NNMT: variants seen among roughly 807,000 people sequenced by gnomAD.
The protein encoded by NNMT is nicotinamide N-methyltransferase.
A neutral mutation model predicts 11.7 loss-of-function variants in NNMT; 10 were observed. The observed-to-expected ratio is 0.85, with a 90% CI of 0.53 to 1.45. NNMT has a LOEUF of 1.45. Among genes scored for constraint, NNMT ranks in the 40% most tolerant of loss-of-function variants. The pLI, the probability that NNMT is intolerant of heterozygous loss-of-function variation, is 0.00. For synonymous variants in NNMT, 143 were observed against 133.8 expected (o/e 1.07, Z -0.48); for missense variants, 381 against 319.4 (o/e 1.19, Z -1.47).
At chr11:114,305,558 C>T (rs1217208112) in intron 2 of NNMT, among the ~76,000 whole-genome samples, 1 of 147,510 alleles carries the variant, frequency 6.8e-6, no homozygotes, top group East Asian at 2.0e-4. Context: ...TCCAAGTGTT[C>T]TCATTGTTCA....
intron 2 of NNMT, among the ~76,000 whole-genome samples, chr11:114,281,275 G>A (rs565774855): frequency 1.4e-4 from 22 of 152,290 alleles, no homozygotes; most frequent in Middle Eastern, 3.4e-3. Flanking sequence ...CAATCCGTGC[G>A]TTAGGGCCCA....
intron 1 of NNMT, among the ~76,000 whole-genome samples, chr11:114,260,258 GC>G (rs1326845818): frequency 6.6e-6 from 1 of 152,166 alleles, no homozygotes. Flanking sequence ...GGAGATGGCC[GC>G]CCCACTTGTC....
chr11:114,286,711 T>G (rs566282787), intron 2 of NNMT, among the ~76,000 whole-genome samples: 1 of 152,340 alleles, frequency 6.6e-6, no homozygotes, highest in South Asian at 2.1e-4. Context: ...AGGTTGTTTC[T>G]AGTTGGGGGC....
At position 114,270,300 on chromosome 11, in the gene NNMT, A is replaced by G. The variant is rs564250272; in HGVS notation, c.-130+7366A>G. The G allele has an allele frequency of 4.6e-5, 7 of 152,330 alleles. No individual in the cohort carries two copies. The South Asian group carries it at 1.4e-3, about 32-fold the overall frequency. 9.4% of individuals were successfully genotyped at this position (152,330 alleles called of 1,614,324 possible). A position where few individuals can be genotyped will look rare whatever the true frequency, so the allele number is the denominator to read the frequency against. On this transcript the variant is annotated intron_variant, in intron 2 of 4. Transcript: ENST00000535401. ...TATTAATTACATTTTAATATCTTCT[A>G]TATTCTCATTTACTTAGGAACGTGT... is the stretch of plus-strand genomic sequence containing the variant.
chr11:114,307,840 G>A (rs552410829), intron 2 of NNMT, among the ~76,000 whole-genome samples: 1 of 151,818 alleles, frequency 6.6e-6, no homozygotes, highest in African/African-American at 2.4e-5. Context: ...CTATATCTCT[G>A]CTTGCCCGAC....
In NNMT at chr11:114,312,552, C is replaced by A; in HGVS notation, c.*75C>A. 6.9e-7 allele frequency: 1 copy of A among 1,447,106 alleles called. No individual in the cohort carries two copies. Among genetic ancestry groups the A allele is most frequent in the South Asian group, 1.3e-5 (1 of 79,506 alleles). The allele number at this position is 1,447,106 out of a possible 1,614,324, so 89.6% of individuals were successfully genotyped here. On this transcript the variant is annotated 3_prime_UTR_variant, in exon 3 of 3. Transcript: ENST00000299964. Reference sequence around the variant, plus strand: ...TAGTCCTTGTTTCTAACTGCCAAGTCATGTGCTGAGTAGAGGCTCAGTGGT... The same window carrying A: ...TAGTCCTTGTTTCTAACTGCCAAGTAATGTGCTGAGTAGAGGCTCAGTGGT...
Position 114,313,416 on chromosome 11 carries a change from G to A in NNMT, c.*939G>A, listed in dbSNP as rs1157043481. 1 of 152,184 alleles carries A rather than the reference G, an allele frequency of 6.6e-6. No homozygotes were observed. Among genetic ancestry groups the A allele is most frequent in the Non-Finnish European group, 1.5e-5 (1 of 68,040 alleles). 9.4% of individuals were successfully genotyped at this position (152,184 alleles called of 1,614,324 possible). The stretch of plus-strand genomic sequence containing the variant: ...GGATGGCTTGAGCCCGGGAGGCGGA[G>A]GTTGCAATGAACTGAGATCGCACCA... On this transcript the variant is annotated 3_prime_UTR_variant, in exon 3 of 3. Transcript: ENST00000299964.
intron 2 of NNMT, chr11:114,270,534 A>G (rs895022130): frequency 1.3e-5 from 2 of 152,192 alleles, no homozygotes; most frequent in African/African-American, 4.8e-5. Context: ...AAAAAAGACC[A>G]CAGACTGGGC....
intron 1 of NNMT, among the ~76,000 whole-genome samples, chr11:114,259,150 A>G (rs183523012): frequency 6.6e-6 from 1 of 152,326 alleles, no homozygotes; most frequent in Admixed American, 6.5e-5. Flanking sequence ...TGCCTGGCAC[A>G]TGATAGGCAC....
At chr11:114,311,286 C>T (rs188354764) in intron 2 of NNMT, among the ~76,000 whole-genome samples, 15 of 152,278 alleles carry the variant, frequency 9.9e-5, no homozygotes, top group African/African-American at 3.6e-4. Flanking sequence ...GCTGTGATGG[C>T]GCCACTGCGC....
chr11:114,258,747 A>G (rs926085590), intron 1 of NNMT, among the ~76,000 whole-genome samples: 1 of 152,222 alleles, frequency 6.6e-6, no homozygotes, highest in Admixed American at 6.5e-5. Context: ...CCTGAGTGAC[A>G]GAGCCCCTGC....
chr11:114,262,128 A>G (rs1403113552), intron 1 of NNMT, among the ~76,000 whole-genome samples: 3 of 152,188 alleles, frequency 2.0e-5, no homozygotes, highest in Admixed American at 6.5e-5. Flanking sequence ...TAGAAAACCC[A>G]TAATGGAGGG....
At chr11:114,300,622 C>T (rs190956918) in intron 2 of NNMT, among the ~76,000 whole-genome samples, 390 of 151,936 alleles carry the variant, frequency 2.6e-3, no homozygotes, top group African/African-American at 8.6e-3. Flanking sequence ...GTGTTAATGT[C>T]TCAAACTATG....
At chr11:114,268,500 G>A (rs956953272) in intron 2 of NNMT, among the ~76,000 whole-genome samples, 1 of 152,110 alleles carries the variant, frequency 6.6e-6, no homozygotes, top group African/African-American at 2.4e-5. Context: ...ACCAGGCGCG[G>A]TGGCTCACGC....
chr11:114,267,080 C>A (rs564650067), intron 2 of NNMT, among the ~76,000 whole-genome samples: 1 of 152,134 alleles, frequency 6.6e-6, no homozygotes, highest in East Asian at 1.9e-4. Context: ...GCCTGGCCAA[C>A]ATGGTGAAAC....
chr11:114,302,901 T>TAAAG lies in NNMT; in HGVS notation c.362+4744_362+4747dup, dbSNP rs1945451698. On this transcript the variant is annotated intron_variant, in intron 2 of 2. Coordinates refer to ENST00000299964, the MANE Select transcript of NNMT (RefSeq NM_006169.3). The stretch of plus-strand genomic sequence containing the variant: ...GCTCTCTAGCTCTCCTTCTGCCATA[T>TAAAG]AAAGGTACAATGAGAAGTCAGCTGT... Among the ~76,000 whole-genome samples the TAAAG allele has an allele frequency of 2.6e-5, 4 of 152,278 alleles. No individual in the cohort carries two copies. In the South Asian group the frequency reaches 8.3e-4, roughly 32 times the overall value.
intron 2 of NNMT, among the ~76,000 whole-genome samples, chr11:114,280,898 C>G (rs939670538): frequency 2.0e-5 from 3 of 152,130 alleles, no homozygotes; most frequent in African/African-American, 7.2e-5. Flanking sequence ...CTCCTGTTCT[C>G]CCAGATCCTG....
At chr11:114,291,361 T>C (rs1340443135) in intron 2 of NNMT, among the ~76,000 whole-genome samples, 1 of 152,200 alleles carries the variant, frequency 6.6e-6, no homozygotes, top group Non-Finnish European at 1.5e-5. Flanking sequence ...CAATTGCAAA[T>C]TGGACAGATT....
chr11:114,291,553 G>A (rs900261924), upstream of NNMT, among the ~76,000 whole-genome samples: 1 of 152,098 alleles, frequency 6.6e-6, no homozygotes, highest in Non-Finnish European at 1.5e-5. Flanking sequence ...GTGGGCTTAT[G>A]ATCCTGTGAG....
Sources: allele counts gnomAD v4.1 joint callset (sites outside exome capture counted in the v4.1 genomes callset), GRCh38; gene constraint gnomAD v4.1.1; transcripts MANE v1.5; gene names NCBI Gene and HGNC (gene_info 2026-07-23, HGNC 2026-07-21).